The following STOX2 variants were observed in gnomAD, a reference collection of about 807,000 sequenced individuals.
STOX2 encodes storkhead-box protein 2.
Under a neutral mutation model 60.9 loss-of-function variants are expected in STOX2, and 28 were observed. That is an observed-to-expected ratio of 0.46 (90% CI 0.34 to 0.63). The LOEUF (loss-of-function observed/expected upper bound fraction) is 0.63, where lower values mean the gene tolerates loss of function less well. Ranked by LOEUF, STOX2 falls within the 30% of genes least tolerant of loss-of-function variation. STOX2 has a pLI of 0.01. For missense variants in STOX2, 1,024 were observed against 1,187.7 expected, an observed-to-expected ratio of 0.86 and a Z score of 2.03; for synonymous variants, 472 against 463.9, an observed-to-expected ratio of 1.02 and a Z score of -0.22.
At chr4:183,932,136 G>A (rs1178318372) in intron 1 of STOX2, among the ~76,000 whole-genome samples, 2 of 151,936 alleles carry the variant, frequency 1.3e-5, no homozygotes, top group Non-Finnish European at 2.9e-5. Flanking sequence ...GGAAGGAGGA[G>A]TCAAGGTGAT....
intron 1 of STOX2, among the ~76,000 whole-genome samples, chr4:183,942,639 C>T (rs1742783714): frequency 2.0e-5 from 3 of 152,052 alleles, no homozygotes; most frequent in African/African-American, 7.2e-5. Flanking sequence ...TTTAGGCACT[C>T]CAAAAAGAGA....
At chr4:183,840,593 A>G (rs1027030783) in intron 1 of STOX2, among the ~76,000 whole-genome samples, 2 of 152,168 alleles carry the variant, frequency 1.3e-5, no homozygotes, top group African/African-American at 4.8e-5. Flanking sequence ...CTGTATTTTG[A>G]CTGCATAAAA....
At chr4:183,850,884 G>C (rs1338850203) in intron 1 of STOX2, among the ~76,000 whole-genome samples, 429 of 141,640 alleles carry the variant, frequency 3.0e-3, no homozygotes, top group Middle Eastern at 0.015. Context: ...ATGAGAGAAA[G>C]GATGAGAGAA....
intron 1 of STOX2, among the ~76,000 whole-genome samples, chr4:183,987,339 C>CTG (rs147802310): frequency 0.04 from 6,029 of 151,282 alleles, 115 homozygotes; most frequent in Admixed American, 0.068. Context: ...ATAAATTCCT[C>CTG]TGTGTGTGTG....
intron 1 of STOX2, among the ~76,000 whole-genome samples, chr4:183,952,309 GA>G (rs1560901534): frequency 6.6e-6 from 1 of 151,824 alleles, no homozygotes; most frequent in South Asian, 2.1e-4. Flanking sequence ...TTCTTCTAAA[GA>G]AAAAAGAAAA....
chr4:183,980,340 C>T (rs1384357265), intron 1 of STOX2, among the ~76,000 whole-genome samples: 2 of 152,120 alleles, frequency 1.3e-5, no homozygotes, highest in South Asian at 2.1e-4. Flanking sequence ...TTTAAGCCAG[C>T]GAATATTGGA....
intron 3 of STOX2, chr4:184,015,844 C>T (rs1012207852): frequency 4.6e-5 from 7 of 152,340 alleles, no homozygotes; most frequent in Admixed American, 2.6e-4. Context: ...TCCTCAATCT[C>T]TGTAGCTGAT....
chr4:183,894,649 C>A (rs1309520224), intron 1 of STOX2, among the ~76,000 whole-genome samples: 4 of 151,926 alleles, frequency 2.6e-5, no homozygotes, highest in Non-Finnish European at 5.9e-5. Flanking sequence ...TCCTGTATAA[C>A]ATTCCCTTAA....
At chr4:183,829,291 C>T (rs1046028395) in intron 1 of STOX2, among the ~76,000 whole-genome samples, 3 of 152,210 alleles carry the variant, frequency 2.0e-5, no homozygotes, top group African/African-American at 7.2e-5. Context: ...TTCATCTCTA[C>T]ATTCAACATT....
intron 1 of STOX2, among the ~76,000 whole-genome samples, chr4:183,882,333 G>A (rs1740977588): frequency 6.6e-6 from 1 of 152,150 alleles, no homozygotes; most frequent in African/African-American, 2.4e-5. Context: ...ATGGGTTCCT[G>A]AGTGCTAGGT....
intron 1 of STOX2, among the ~76,000 whole-genome samples, chr4:183,818,653 C>T (rs1171409100): frequency 1.3e-5 from 2 of 152,188 alleles, no homozygotes. Flanking sequence ...AGGGGCCCCT[C>T]ACTTCCCAGA....
chr4:183,989,169 G>GTT (rs11421201), intron 1 of STOX2, among the ~76,000 whole-genome samples: 16 of 80,024 alleles, frequency 2.0e-4, no homozygotes, highest in African/African-American at 7.5e-4. Flanking sequence ...ATTTTTTCTG[G>GTT]TTTTTTTTTT....
chr4:183,884,103 C>T lies in STOX2; in HGVS notation c.364+86048C>T, dbSNP rs1016225300. On this transcript the variant is annotated intron_variant, in intron 1 of 2. Coordinates refer to the STOX2 transcript ENST00000513034. Reference sequence around the variant, plus strand: ...TTCTGACCTTAGGTGATCCGCCCCCCTCGGCCTCCCAAAGTGCTGGGATTA... The same window carrying T: ...TTCTGACCTTAGGTGATCCGCCCCCTTCGGCCTCCCAAAGTGCTGGGATTA... Among the ~76,000 whole-genome samples the T allele has an allele frequency of 2.6e-5, 4 of 152,320 alleles. No homozygotes were observed. The South Asian group carries it at 6.2e-4, about 24-fold the overall frequency.
intron 1 of STOX2, among the ~76,000 whole-genome samples, chr4:183,800,912 G>T (rs1361175722): frequency 6.6e-6 from 1 of 152,204 alleles, no homozygotes; most frequent in Non-Finnish European, 1.5e-5. Flanking sequence ...GCTCACAGGC[G>T]GGGCGAGACA....
chr4:183,910,174 A>G (rs1741738151), intron 1 of STOX2, among the ~76,000 whole-genome samples: 1 of 152,220 alleles, frequency 6.6e-6, no homozygotes, highest in Non-Finnish European at 1.5e-5. Flanking sequence ...GTTCAAATCA[A>G]GATGAATAAT....
chr4:183,875,194 G>A (rs1489418476), intron 1 of STOX2, among the ~76,000 whole-genome samples: 2 of 151,304 alleles, frequency 1.3e-5, no homozygotes, highest in African/African-American at 2.4e-5. Flanking sequence ...ATTATTACAG[G>A]GTGATGGGGA....
chr4:183,868,618 C>T (rs983394074), intron 1 of STOX2, among the ~76,000 whole-genome samples: 1 of 151,974 alleles, frequency 6.6e-6, no homozygotes, highest in Non-Finnish European at 1.5e-5. Flanking sequence ...TGATTAAGCC[C>T]GAGGAGGCAT....
intron 2 of STOX2, among the ~76,000 whole-genome samples, chr4:184,007,136 C>A (rs79644114): frequency 7.2e-5 from 11 of 151,878 alleles, no homozygotes; most frequent in African/African-American, 2.4e-4. Flanking sequence ...GGAAACCATG[C>A]GACTCAAAAA....
At chr4:183,913,382 A>T (rs1198381872) in intron 1 of STOX2, among the ~76,000 whole-genome samples, 3 of 152,044 alleles carry the variant, frequency 2.0e-5, no homozygotes, top group Non-Finnish European at 2.9e-5. Context: ...GGCTTGCAGG[A>T]TAGATGCATG....
Sources: allele counts gnomAD v4.1 joint callset (sites outside exome capture counted in the v4.1 genomes callset), GRCh38; gene constraint gnomAD v4.1.1; transcripts MANE v1.5; gene names NCBI Gene and HGNC (gene_info 2026-07-23, HGNC 2026-07-21).